The following KLHL20 variants were observed in gnomAD, a reference collection of about 807,000 sequenced individuals.
KLHL20 encodes kelch-like protein 20.
KLHL20 carries 29 observed loss-of-function variants against 69.5 expected under a neutral mutation model. The observed-to-expected ratio is 0.42, with a 90% CI of 0.31 to 0.57. The LOEUF (loss-of-function observed/expected upper bound fraction) is 0.57. Among genes scored for constraint, KLHL20 ranks in the 20% least tolerant of loss-of-function variants. The pLI is 0.18. For missense variants in KLHL20, 419 were observed against 776.0 expected, an observed-to-expected ratio of 0.54 and a Z score of 5.47; for synonymous variants, 253 against 265.2, an observed-to-expected ratio of 0.95 and a Z score of 0.45.
intron 8 of KLHL20, among the ~76,000 whole-genome samples, chr1:173,766,647 G>GAA (rs59947652): frequency 8.1e-6 from 1 of 123,836 alleles, no homozygotes. Context: ...TATCAAGGGG[G>GAA]AAAAAAAAAA....
intron 2 of KLHL20, among the ~76,000 whole-genome samples, chr1:173,718,104 A>G (rs534875253): frequency 2.6e-5 from 4 of 152,012 alleles, no homozygotes; most frequent in Non-Finnish European, 5.9e-5. Flanking sequence ...TTTAATTTCT[A>G]TTTTGTAGAT....
chr1:173,733,180 C>T (rs1056726088), intron 2 of KLHL20, among the ~76,000 whole-genome samples: 7 of 151,864 alleles, frequency 4.6e-5, no homozygotes, highest in Non-Finnish European at 8.8e-5. Context: ...CCACCACACA[C>T]GGCTAATTTT....
At position 173,766,647 on chromosome 1, in the gene KLHL20, G is replaced by GA. The variant is rs59947652; in HGVS notation, c.1295+374dup. On this transcript the variant is annotated intron_variant, in intron 8 of 11. Coordinates refer to ENST00000209884, the MANE Select transcript of KLHL20 (RefSeq NM_014458.4). ...CAAAGTGAGACCCTGTATCAAGGGG[G>GA]AAAAAAAAAAAAAAAAGAAACAAGT... 2.7e-3 allele frequency among the ~76,000 whole-genome samples: 338 copies of GA among 123,774 alleles called. 1 individual carries two copies. Among genetic ancestry groups the GA allele is most frequent in the South Asian group, 0.012 (44 of 3,768 alleles). The allele number at this position is 123,774 out of a possible 152,430, so 81.2% of individuals were successfully genotyped here. A position where few individuals can be genotyped will look rare whatever the true frequency, so the allele number is the denominator to read the frequency against.
intron 3 of KLHL20, among the ~76,000 whole-genome samples, chr1:173,735,802 C>T (rs1375415130): frequency 6.6e-6 from 1 of 152,128 alleles, no homozygotes; most frequent in African/African-American, 2.4e-5. Flanking sequence ...ATTCTTACGA[C>T]TTTGCATCCT....
At chr1:173,731,727 G>C (rs1016565242) in intron 2 of KLHL20, among the ~76,000 whole-genome samples, 1 of 128,910 alleles carries the variant, frequency 7.8e-6, no homozygotes, top group Admixed American at 8.2e-5. Flanking sequence ...TGTTGGGGGA[G>C]GGGGGAGGGA....
chr1:173,779,350 C>CTTTT (rs375083476), intron 10 of KLHL20, among the ~76,000 whole-genome samples: 3 of 131,436 alleles, frequency 2.3e-5, no homozygotes, highest in Non-Finnish European at 4.9e-5. Context: ...AGGATTTCTC[C>CTTTT]TTTTTTTTTT....
Position 173,771,262 on chromosome 1 carries a change from G to C in KLHL20, c.1296-3043G>C, listed in dbSNP as rs573468715. Among the ~76,000 whole-genome samples the C allele has an allele frequency of 5.9e-5, 9 of 152,328 alleles. No homozygotes were observed. The South Asian group carries it at 1.9e-3, about 32-fold the overall frequency. The stretch of plus-strand genomic sequence containing the variant: ...TAGAAAGACATTGACAGAAGGGCTA[G>C]ACCATGTGGTTCACACCTGTAATCC... On this transcript the variant is annotated intron_variant, in intron 8 of 11. Coordinates refer to ENST00000209884, the MANE Select transcript of KLHL20 (RefSeq NM_014458.4).
chr1:173,723,403 G>A (rs1671806549), intron 2 of KLHL20, among the ~76,000 whole-genome samples: 1 of 152,198 alleles, frequency 6.6e-6, no homozygotes, highest in African/African-American at 2.4e-5. Context: ...AGATGTATAA[G>A]TGTTTTGGAA....
intron 10 of KLHL20, among the ~76,000 whole-genome samples, chr1:173,779,506 A>G (rs1234569137): frequency 6.6e-6 from 1 of 151,918 alleles, no homozygotes; most frequent in African/African-American, 2.4e-5. Flanking sequence ...GCGTGCCACC[A>G]TGTCCAGCTA....
At chr1:173,751,451 C>T (rs915904949) in intron 3 of KLHL20, among the ~76,000 whole-genome samples, 1 of 151,948 alleles carries the variant, frequency 6.6e-6, no homozygotes, top group African/African-American at 2.4e-5. Context: ...TTTTTATATG[C>T]CTTATATATC....
At chr1:173,750,722 T>C (rs1357817476) in intron 3 of KLHL20, among the ~76,000 whole-genome samples, 1 of 151,854 alleles carries the variant, frequency 6.6e-6, no homozygotes, top group Non-Finnish European at 1.5e-5. Context: ...CCTTAGCTAA[T>C]TTTTTTATTT....
chr1:173,783,141 A>G (rs1317727790), intron 11 of KLHL20, among the ~76,000 whole-genome samples: 7 of 152,342 alleles, frequency 4.6e-5, no homozygotes, highest in African/African-American at 1.4e-4. Flanking sequence ...CTAGTCTTCT[A>G]AGAAAACAGT....
At chr1:173,721,131 G>A (rs919241599) in intron 2 of KLHL20, among the ~76,000 whole-genome samples, 2 of 152,124 alleles carry the variant, frequency 1.3e-5, no homozygotes, top group Non-Finnish European at 2.9e-5. Flanking sequence ...TCTCTAAAAT[G>A]AGTAAGAAGC....
In KLHL20 at chr1:173,760,258, G is replaced by A. The variant is rs567652945; in HGVS notation, c.1151+3099G>A. On this transcript the variant is annotated intron_variant, in intron 7 of 11. Coordinates refer to ENST00000209884, the MANE Select transcript of KLHL20 (RefSeq NM_014458.4). ...AAACCTGAGAATAATCGGTATATCC[G>A]AGGAAGAAGAGAATTCTAAAAGCCT... Among the ~76,000 whole-genome samples the A allele has an allele frequency of 3.9e-5, 6 of 152,050 alleles. No homozygotes were observed. In the South Asian group the frequency reaches 6.2e-4, roughly 16 times the overall value.
chr1:173,727,786 C>T (rs1036300238), intron 2 of KLHL20, among the ~76,000 whole-genome samples: 3 of 152,162 alleles, frequency 2.0e-5, no homozygotes, highest in Non-Finnish European at 4.4e-5. Flanking sequence ...GTACCAGCCA[C>T]TGCAAAAACA....
chr1:173,728,500 T>A (rs572550474), intron 2 of KLHL20, among the ~76,000 whole-genome samples: 4 of 151,996 alleles, frequency 2.6e-5, no homozygotes, highest in African/African-American at 9.6e-5. Flanking sequence ...GAAGTAAAGC[T>A]CTCCTCAGCA....
intron 3 of KLHL20, among the ~76,000 whole-genome samples, chr1:173,736,710 C>T (rs1259848228): frequency 1.3e-5 from 2 of 152,034 alleles, no homozygotes; most frequent in Non-Finnish European, 2.9e-5. Flanking sequence ...ATTCTCCCAC[C>T]TCAGCCTCCC....
intron 7 of KLHL20, among the ~76,000 whole-genome samples, chr1:173,764,773 C>T (rs535465146): frequency 1.2e-4 from 18 of 152,090 alleles, no homozygotes; most frequent in African/African-American, 3.9e-4. Flanking sequence ...AATATGGTGC[C>T]ATGTATACTG....
intron 3 of KLHL20, among the ~76,000 whole-genome samples, chr1:173,742,936 T>G (rs961706383): frequency 4.6e-5 from 7 of 151,810 alleles, no homozygotes; most frequent in African/African-American, 1.7e-4. Flanking sequence ...AAGTTAAAAT[T>G]TTTTGTTCTT....
Sources: allele counts gnomAD v4.1 joint callset (sites outside exome capture counted in the v4.1 genomes callset), GRCh38; gene constraint gnomAD v4.1.1; transcripts MANE v1.5; gene names NCBI Gene and HGNC (gene_info 2026-07-23, HGNC 2026-07-21).